Variants in ATP13A4 observed in about 807,000 individuals in gnomAD.
The protein encoded by ATP13A4 is ATPase 13A4, also known as probable cation-transporting ATPase 13A4.
A neutral mutation model predicts 142.5 loss-of-function variants in ATP13A4; 114 were observed. The ratio of observed to expected loss-of-function variants is 0.80; its 90% CI spans 0.69 to 0.93. ATP13A4 has a LOEUF of 0.93. ATP13A4 is among the 40% of genes least tolerant of loss of function. The pLI is 0.00. For synonymous variants in ATP13A4, 488 were observed against 514.8 expected, an observed-to-expected ratio of 0.95 and a Z score of 0.70; for missense variants, 1,392 against 1,454.0, an observed-to-expected ratio of 0.96 and a Z score of 0.69.
chr3:193,552,254 G>A (rs1008082840), intron 1 of ATP13A4, among the ~76,000 whole-genome samples: 11 of 152,184 alleles, frequency 7.2e-5, no homozygotes, highest in Non-Finnish European at 1.0e-4. Flanking sequence ...TTACAGGCAC[G>A]AGCCACCATG....
chr3:193,473,857 A>G (rs922044454), intron 8 of ATP13A4, among the ~76,000 whole-genome samples: 1 of 152,238 alleles, frequency 6.6e-6, no homozygotes, highest in Non-Finnish European at 1.5e-5. Flanking sequence ...TTAAAGAGAC[A>G]TGGCAAACAA....
intron 2 of ATP13A4, among the ~76,000 whole-genome samples, chr3:193,569,974 G>A (rs1046653754): frequency 2.6e-5 from 4 of 152,050 alleles, no homozygotes; most frequent in Non-Finnish European, 5.9e-5. Flanking sequence ...TTCAAAAATG[G>A]AGAGTTTATT....
At chr3:193,504,020 T>TGTGTGTGTGTGTGTGTGTGTGTGTGTGA (rs1034644341) in intron 2 of ATP13A4, among the ~76,000 whole-genome samples, 13 of 144,314 alleles carry the variant, frequency 9.0e-5, no homozygotes, top group African/African-American at 2.8e-4. Flanking sequence ...TGTGTGTGTG[T>TGTGTGTGTGTGTGTGTGTGTGTGTGTGA]GAGAGAGAGA....
chr3:193,442,127 G>C (rs982518092), intron 19 of ATP13A4, among the ~76,000 whole-genome samples: 4 of 152,170 alleles, frequency 2.6e-5, no homozygotes, highest in Non-Finnish European at 5.9e-5. Context: ...GGAGAAAATA[G>C]ATTCAACTCC....
At chr3:193,570,396 T>C (rs1477653656) in intron 2 of ATP13A4, among the ~76,000 whole-genome samples, 1 of 152,252 alleles carries the variant, frequency 6.6e-6, no homozygotes, top group Non-Finnish European at 1.5e-5. Flanking sequence ...ACATGATTTA[T>C]AGGTTATTTC....
Position 193,580,734 on chromosome 3 carries a change from G to A in ATP13A4, n.291+973C>T, listed in dbSNP as rs117108320. Among the ~76,000 whole-genome samples, 451 of 152,228 alleles carry A rather than the reference G, an allele frequency of 3.0e-3. 3 individuals carry two copies. The highest frequency in any genetic ancestry group is 0.016 in the South Asian group (79 of 4,816). On this transcript the variant is annotated intron_variant and non_coding_transcript_variant, in intron 2 of 3. Coordinates refer to the ATP13A4 transcript ENST00000489140. ...GTAGGGGGAGAAAAACCTCAGAACC[G>A]GTGAGCGGGGAGGAAAGGAAAGGTA...
In ATP13A4 at chr3:193,399,422, C is replaced by G. The variant is rs766974113; in HGVS notation, c.*3230G>C. ...CCCCTCTTTCCTAGGATCTTATCTCCATTAGGGGTCCCCTTTCAAGGTACA... is the reference window on the plus strand; with the variant it reads ...CCCCTCTTTCCTAGGATCTTATCTCGATTAGGGGTCCCCTTTCAAGGTACA... On this transcript the variant is annotated 3_prime_UTR_variant, in exon 30 of 30. Coordinates refer to ENST00000342695, the MANE Select transcript of ATP13A4 (RefSeq NM_032279.4). 5.9e-5 allele frequency among the ~76,000 whole-genome samples: 9 copies of G among 152,160 alleles called. No homozygotes were observed. Among genetic ancestry groups the G allele is most frequent in the African/African-American group, 1.4e-4 (6 of 41,430 alleles).
chr3:193,463,129 C>A (rs534929335), intron 12 of ATP13A4, among the ~76,000 whole-genome samples: 1 of 152,194 alleles, frequency 6.6e-6, no homozygotes, highest in South Asian at 2.1e-4. Context: ...CTCTGGAGTG[C>A]CCGTTGGAAG....
intron 25 of ATP13A4, among the ~76,000 whole-genome samples, chr3:193,428,459 A>G (rs1415227253): frequency 6.6e-6 from 1 of 152,198 alleles, no homozygotes; most frequent in Non-Finnish European, 1.5e-5. Context: ...CCAAAGGATT[A>G]TAAATCATGC....
intron 28 of ATP13A4, 108 bp from the exon 29 acceptor site, chr3:193,407,501 T>C (rs1449386311): frequency 5.1e-6 from 4 of 785,286 alleles, no homozygotes; most frequent in Admixed American, 2.1e-5. Flanking sequence ...TCATATGTAA[T>C]ATATATGTGT....
chr3:193,548,088 G>A (rs184080760), intron 1 of ATP13A4, among the ~76,000 whole-genome samples: 33 of 152,288 alleles, frequency 2.2e-4, no homozygotes, highest in Admixed American at 3.9e-4. Flanking sequence ...TAACTCTGAA[G>A]AATAAGCTTT....
chr3:193,474,332 A>AC (rs1170997069), intron 8 of ATP13A4, among the ~76,000 whole-genome samples: 1 of 147,628 alleles, frequency 6.8e-6, no homozygotes, highest in Non-Finnish European at 1.5e-5. Context: ...CAAAAAAAAA[A>AC]AAAAAAAAAA....
rs376571923 is a variant in ATP13A4 at position 193,436,870 on chromosome 3, C to T, written c.2673-1126G>A. ...CTGTAATCCCAGCACTTTGGGAGGC[C>T]GAGGCGGGCGGATCACGAGGTCAGG... On this transcript the variant is annotated intron_variant, in intron 23 of 29. Transcript: ENST00000342695. Among the ~76,000 whole-genome samples, 749 of 148,918 alleles carry T rather than the reference C, an allele frequency of 5.0e-3. 67 individuals are homozygous for T. Among genetic ancestry groups the T allele is most frequent in the African/African-American group, 0.018 (714 of 39,518 alleles).
At chr3:193,586,073 G>GGCCA (rs1369540576) in intron 1 of ATP13A4, among the ~76,000 whole-genome samples, 35 of 114,776 alleles carry the variant, frequency 3.0e-4, no homozygotes, top group African/African-American at 1.2e-3. Context: ...ATATATATCT[G>GGCCA]TATATGTATA....
chr3:193,495,710 C>T (rs1229200824), intron 3 of ATP13A4, among the ~76,000 whole-genome samples: 1 of 152,062 alleles, frequency 6.6e-6, no homozygotes, highest in African/African-American at 2.4e-5. Context: ...ATTCAACATA[C>T]TACGGGAAGT....
intron 2 of ATP13A4, among the ~76,000 whole-genome samples, chr3:193,563,032 T>G (rs1261535859): frequency 6.6e-6 from 1 of 152,182 alleles, no homozygotes; most frequent in Non-Finnish European, 1.5e-5. Flanking sequence ...ACGGTATTGT[T>G]GGAAGAACAA....
intron 11 of ATP13A4, 32 bp downstream of exon 11, chr3:193,465,993 G>A: frequency 6.2e-7 from 1 of 1,609,466 alleles, no homozygotes. Flanking sequence ...ATGAGTGTGT[G>A]TGCATTTAAT....
In ATP13A4 at chr3:193,493,162, T is replaced by C. The variant is rs764228956; in HGVS notation, c.382-2A>G. 4.1e-5 allele frequency: 66 copies of C among 1,611,720 alleles called. No individual in the cohort carries two copies. Among genetic ancestry groups the C allele is most frequent in the Non-Finnish European group, 5.4e-5 (64 of 1,179,218 alleles). The stretch of plus-strand genomic sequence containing the variant: ...TTTCTGCACTTTGATGCATCTCACC[T>C]GCAAAAGAAAAGTACTAAGAAAACC... On this transcript the variant is annotated splice_acceptor_variant, in intron 3 of 29. Transcript: ENST00000342695. LOFTEE classifies it high-confidence loss of function.
chr3:193,424,979 C>CA (rs71179305), intron 25 of ATP13A4, among the ~76,000 whole-genome samples: 26,301 of 144,396 alleles, frequency 0.18, 3,186 homozygotes, highest in South Asian at 0.26. Context: ...ATCAGGAACT[C>CA]AAAAAAAAAC....
Sources: allele counts gnomAD v4.1 joint callset (sites outside exome capture counted in the v4.1 genomes callset), GRCh38; gene constraint gnomAD v4.1.1; transcripts MANE v1.5; gene names NCBI Gene and HGNC (gene_info 2026-07-23, HGNC 2026-07-21).